Variants in DIAPH2 observed in about 807,000 individuals in gnomAD.
DIAPH2 encodes diaphanous related formin 2.
A neutral mutation model predicts 92.7 loss-of-function variants in DIAPH2; 35 were observed. The observed-to-expected ratio is 0.38, with a 90% CI of 0.29 to 0.50. DIAPH2 has a LOEUF of 0.50. Among genes scored for constraint, DIAPH2 ranks in the 20% least tolerant of loss-of-function variants. The pLI, the probability that DIAPH2 is intolerant of heterozygous loss-of-function variation, is 0.94. For missense variants in DIAPH2, 701 were observed against 819.5 expected (o/e 0.86, Z 1.77); for synonymous variants, 301 against 280.4 (o/e 1.07, Z -0.73).
chrX:97,002,765 C>T (rs1208243314), intron 17 of DIAPH2, among the ~76,000 whole-genome samples: 3 of 111,646 alleles, frequency 2.7e-5, no homozygotes, highest in Non-Finnish European at 5.7e-5. Flanking sequence ...TGCAACACCT[C>T]AAGTATGTAT....
chrX:96,789,939 T>TG (rs2064487261), intron 4 of DIAPH2, among the ~76,000 whole-genome samples: 1 of 111,431 alleles, frequency 9.0e-6, no homozygotes, highest in Admixed American at 9.6e-5. Flanking sequence ...GTTGGTGGGC[T>TG]GGGGTATTCA....
chrX:96,699,978 A>G (rs1013754022), intron 1 of DIAPH2, among the ~76,000 whole-genome samples: 2 of 111,625 alleles, frequency 1.8e-5, no homozygotes, highest in African/African-American at 6.5e-5. Context: ...GATGCTGGTG[A>G]CTTTTAACTC....
At chrX:96,969,478 AT>A (rs145025686) in intron 17 of DIAPH2, among the ~76,000 whole-genome samples, 34,159 of 95,259 alleles carry the variant, frequency 0.36, 4,818 homozygotes, top group South Asian at 0.49. Context: ...TAGGTATTTC[AT>A]TTTTTTTTTT....
intron 5 of DIAPH2, among the ~76,000 whole-genome samples, chrX:96,899,455 T>G (rs912713400): frequency 8.1e-5 from 9 of 111,099 alleles, no homozygotes; most frequent in African/African-American, 2.9e-4. Context: ...CCCTTGTAAG[T>G]TGGATTCCTA....
At chrX:96,691,299 G>A (rs1426288801) in intron 1 of DIAPH2, among the ~76,000 whole-genome samples, 1 of 111,314 alleles carries the variant, frequency 9.0e-6, no homozygotes, top group Non-Finnish European at 1.9e-5. Flanking sequence ...CTCAAGACAG[G>A]AGAAACTATG....
chrX:96,764,781 G>C (rs41367347), intron 4 of DIAPH2, among the ~76,000 whole-genome samples: 3,547 of 111,323 alleles, frequency 0.032, 147 homozygotes, highest in African/African-American at 0.11. Flanking sequence ...AGACTTATTC[G>C]GGAAGCTACC....
chrX:97,233,008 A>C (rs1046321318), intron 22 of DIAPH2, among the ~76,000 whole-genome samples: 1 of 112,247 alleles, frequency 8.9e-6, no homozygotes, highest in Non-Finnish European at 1.9e-5. Flanking sequence ...CTAACTCTTC[A>C]GTGTGTTATC....
At chrX:97,493,255 CATTTATTT>C (rs1569411122) in intron 26 of DIAPH2, among the ~76,000 whole-genome samples, 1 of 90,657 alleles carries the variant, frequency 1.1e-5, no homozygotes, top group Non-Finnish European at 2.5e-5. Flanking sequence ...TTTATTTATT[CATTTATTT>C]ATTCATTTAT....
At chrX:96,793,525 G>T in intron 4 of DIAPH2, 1 of 340,497 alleles carries the variant, frequency 2.9e-6, no homozygotes, top group Non-Finnish European at 5.6e-6. Flanking sequence ...CCTTCGATCT[G>T]GAGGCTGGGA....
chrX:97,458,113 G>A (rs1458447540), intron 26 of DIAPH2, among the ~76,000 whole-genome samples: 1 of 110,974 alleles, frequency 9.0e-6, no homozygotes, highest in African/African-American at 3.3e-5. Context: ...GTCATATTCT[G>A]CCAATCACAC....
At chrX:96,827,138 T>C (rs776692462) in intron 4 of DIAPH2, among the ~76,000 whole-genome samples, 1 of 112,651 alleles carries the variant, frequency 8.9e-6, no homozygotes, top group East Asian at 2.8e-4. Context: ...TAAATATTGG[T>C]ATAAAGCAGG....
chrX:97,505,293 T>C (rs998776405), intron 26 of DIAPH2, among the ~76,000 whole-genome samples: 5 of 111,653 alleles, frequency 4.5e-5, no homozygotes, highest in African/African-American at 1.6e-4. Context: ...ATGGTTACTT[T>C]CAACAAGGGG....
intron 26 of DIAPH2, among the ~76,000 whole-genome samples, chrX:97,572,054 G>A (rs774684353): frequency 9.6e-6 from 1 of 103,788 alleles, no homozygotes; most frequent in South Asian, 4.8e-4. Context: ...CCTTGAAGCA[G>A]GAACTTGTGC....
chrX:96,910,988 A>C (rs1490352127), intron 5 of DIAPH2, among the ~76,000 whole-genome samples: 2 of 111,262 alleles, frequency 1.8e-5, no homozygotes, highest in African/African-American at 6.5e-5. Context: ...AATGGAGTTG[A>C]GGTTACTTTC....
chrX:97,083,611 T>C (rs2066762997), intron 19 of DIAPH2, among the ~76,000 whole-genome samples: 1 of 111,613 alleles, frequency 9.0e-6, no homozygotes, highest in South Asian at 3.8e-4. Flanking sequence ...CCACCAGTTG[T>C]GACAACCCAA....
chrX:97,007,761 C>CTTTTT (rs1202951643), intron 17 of DIAPH2, among the ~76,000 whole-genome samples: 14 of 80,962 alleles, frequency 1.7e-4, no homozygotes, highest in Non-Finnish European at 2.4e-4. Flanking sequence ...TTCTTTTTTT[C>CTTTTT]TTTTTTTTTT....
intron 17 of DIAPH2, among the ~76,000 whole-genome samples, chrX:97,043,863 AATGAATACTCTTGACAT>A (rs2066463055): frequency 8.9e-6 from 1 of 112,340 alleles, no homozygotes; most frequent in South Asian, 3.7e-4. Flanking sequence ...TATAATTTTA[AATGAATACTCTTGACAT>A]TAAGACATCA....
chrX:97,110,706 G>A (rs977980007), intron 20 of DIAPH2, among the ~76,000 whole-genome samples: 1 of 112,063 alleles, frequency 8.9e-6, no homozygotes, highest in Non-Finnish European at 1.9e-5. Context: ...CCTATTTGCC[G>A]GGTGCAGTGG....
chrX:97,240,605 C>CAAAAAAAAAAAAAAAA (rs774748522), intron 22 of DIAPH2, among the ~76,000 whole-genome samples: 14 of 67,950 alleles, frequency 2.1e-4, no homozygotes, highest in African/African-American at 8.1e-4. Context: ...GACTGCATCT[C>CAAAAAAAAAAAAAAAA]AAAAAAAAAA....
Sources: gnomAD v4.1 joint callset for allele counts (sites outside exome capture counted in the v4.1 genomes callset) on GRCh38, gnomAD v4.1.1 for gene constraint, MANE v1.5 for transcripts, NCBI Gene and HGNC (gene_info 2026-07-23, HGNC 2026-07-21) for gene names.